The following MYL4 variants were observed in gnomAD, a reference collection of about 807,000 sequenced individuals.
The protein encoded by MYL4 is myosin light chain 4.
In MYL4, 16 loss-of-function variants were observed where a neutral mutation model predicts 21.6. The ratio of observed to expected loss-of-function variants is 0.74; its 90% CI spans 0.50 to 1.12. The LOEUF (loss-of-function observed/expected upper bound fraction) is 1.12. MYL4 is among the 50% of genes most tolerant of loss of function. The probability of loss-of-function intolerance (pLI) is 0.00; values close to 1 mark genes in which losing one functional copy is unlikely to be tolerated. For missense variants in MYL4, 249 were observed against 252.9 expected (o/e 0.98, Z 0.11); for synonymous variants, 82 against 95.7 (o/e 0.86, Z 0.83).
At chr17:47,199,302 CA>C (rs564859340), upstream of MYL4, among the ~76,000 whole-genome samples, 65 of 73,672 alleles carry the variant, frequency 8.8e-4, no homozygotes, top group Middle Eastern at 6.8e-3. Flanking sequence ...GACTTTGTCT[CA>C]AAAAAAAAAA....
upstream of MYL4, among the ~76,000 whole-genome samples, chr17:47,197,243 C>T (rs529602955): frequency 5.9e-5 from 9 of 151,952 alleles, no homozygotes; most frequent in East Asian, 1.2e-3. Context: ...GGACTATAGG[C>T]GCCCGCCACC....
At chr17:47,204,354 TTGA>T (rs1393529398), upstream of MYL4, among the ~76,000 whole-genome samples, 1 of 152,254 alleles carries the variant, frequency 6.6e-6, no homozygotes, top group Non-Finnish European at 1.5e-5. Flanking sequence ...TCTTCATTTC[TTGA>T]TATTTTCTCT....
chr17:47,226,555 G>T (rs887447298), downstream of MYL4, among the ~76,000 whole-genome samples: 2 of 152,256 alleles, frequency 1.3e-5, no homozygotes, highest in Non-Finnish European at 2.9e-5. Context: ...TTATAATCAT[G>T]TGACAACATC....
At chr17:47,224,809 T>G (rs2064879236), downstream of MYL4, among the ~76,000 whole-genome samples, 2 of 152,146 alleles carry the variant, frequency 1.3e-5, no homozygotes, top group African/African-American at 4.8e-5. Context: ...GACATCTCAT[T>G]GACTCCAGAC....
the MYL4 span, among the ~76,000 whole-genome samples, chr17:47,191,825 G>C: frequency 6.6e-6 from 1 of 152,110 alleles, no homozygotes; most frequent in Non-Finnish European, 1.5e-5. Flanking sequence ...AAACTTGTGT[G>C]GTCATTTACG....
Position 47,221,712 on chromosome 17 carries a change from C to T in MYL4, c.344C>T (p.Thr115Met), listed in dbSNP as rs199794933. 22 of 1,613,636 alleles carry T rather than the reference C, an allele frequency of 1.4e-5. No homozygotes were observed. The highest frequency in any genetic ancestry group is 4.4e-5 in the South Asian group (4 of 91,026). Residue 115 changes from threonine to methionine, a missense_variant, in exon 4 of 7, where the codon ACG (threonine) becomes ATG (methionine). By Grantham distance (81) the Thr-to-Met change is moderately conservative (BLOSUM62 -1). Coordinates refer to ENST00000393450, the MANE Select transcript of MYL4 (RefSeq NM_002476.2). ...EMNVKMLDFE[T>M]FLPILQHISR... ...AATGTCAAGATGCTGGACTTTGAGA[C>T]GTTCTTGCCCATCCTGCAGCACATT...
upstream of MYL4, chr17:47,209,343 C>T (rs964425523): frequency 1.7e-5 from 27 of 1,593,578 alleles, no homozygotes; most frequent in Non-Finnish European, 2.1e-5. Context: ...GCAGCCCAGG[C>T]TCCTATCTCA....
chr17:47,197,760 G>A (rs1038847197), upstream of MYL4, among the ~76,000 whole-genome samples: 10 of 152,206 alleles, frequency 6.6e-5, no homozygotes, highest in Admixed American at 2.6e-4. Flanking sequence ...TTCTAAGCAC[G>A]TTTAAGGTAG....
intron 1 of MYL4, among the ~76,000 whole-genome samples, chr17:47,203,356 T>G (rs1169093152): frequency 6.6e-6 from 1 of 152,120 alleles, no homozygotes; most frequent in African/African-American, 2.4e-5. Context: ...CTCTTTTTTC[T>G]TCTGGGAGAT....
chr17:47,213,992 G>T (rs2064796133), intron 2 of MYL4, 166 bp downstream of exon 2: 1 of 772,306 alleles, frequency 1.3e-6, no homozygotes. Context: ...ATAGTCCTAG[G>T]CACTTTATAT....
intron 1 of MYL4, among the ~76,000 whole-genome samples, chr17:47,212,216 C>T (rs1227314464): frequency 6.6e-6 from 1 of 152,032 alleles, no homozygotes; most frequent in Non-Finnish European, 1.5e-5. Context: ...AACTCCATCT[C>T]AAAAAATAAG....
upstream of MYL4, among the ~76,000 whole-genome samples, chr17:47,207,509 G>A (rs188686099): frequency 2.6e-5 from 4 of 152,308 alleles, no homozygotes; most frequent in East Asian, 5.8e-4. Context: ...TGGGAAATGG[G>A]CAGATGTGGG....
the MYL4 span, among the ~76,000 whole-genome samples, chr17:47,194,498 A>G: frequency 6.6e-6 from 1 of 152,224 alleles, no homozygotes; most frequent in African/African-American, 2.4e-5. Context: ...CCAAAGTGGC[A>G]TATATCAGTG....
upstream of MYL4, among the ~76,000 whole-genome samples, chr17:47,197,299 C>T (rs569146963): frequency 3.3e-5 from 5 of 152,088 alleles, no homozygotes; most frequent in African/African-American, 1.2e-4. Flanking sequence ...AGGGTTTCAC[C>T]GTGTTAGCCA....
At chr17:47,202,143 G>A (rs983872683) in intron 1 of MYL4, among the ~76,000 whole-genome samples, 2 of 151,910 alleles carry the variant, frequency 1.3e-5, no homozygotes, top group Non-Finnish European at 2.9e-5. Context: ...GTGCCACCAC[G>A]CCCAACTAAT....
intron 1 of MYL4, among the ~76,000 whole-genome samples, chr17:47,204,010 T>G (rs966993414): frequency 6.6e-6 from 1 of 152,202 alleles, no homozygotes; most frequent in Non-Finnish European, 1.5e-5. Flanking sequence ...CCCTGGAAAT[T>G]TAGAGGGCTA....
intron 2 of MYL4, among the ~76,000 whole-genome samples, chr17:47,217,952 G>C (rs934420269): frequency 1.3e-5 from 2 of 149,796 alleles, no homozygotes; most frequent in African/African-American, 4.9e-5. Context: ...TGAGGCAGGA[G>C]AATCGCTTGA....
downstream of MYL4, among the ~76,000 whole-genome samples, chr17:47,225,505 C>A (rs189726436): frequency 5.5e-4 from 84 of 152,302 alleles, no homozygotes; most frequent in African/African-American, 1.9e-3. Flanking sequence ...CTTCTTGGAG[C>A]CTCTAACTAG....
upstream of MYL4, among the ~76,000 whole-genome samples, chr17:47,199,903 T>G (rs12452020): frequency 6.7e-3 from 1,012 of 150,514 alleles, 20 homozygotes; most frequent in African/African-American, 0.024. Context: ...ACCTGGCTAA[T>G]TTTTGTGGGT....
Sources: gnomAD v4.1 joint callset for allele counts (sites outside exome capture counted in the v4.1 genomes callset) on GRCh38, gnomAD v4.1.1 for gene constraint, MANE v1.5 for transcripts, NCBI Gene and HGNC (gene_info 2026-07-23, HGNC 2026-07-21) for gene names.